CCDC91: variants seen among roughly 807,000 people sequenced by gnomAD.
CCDC91 encodes the protein coiled-coil domain-containing protein 91.
CCDC91 carries 48 observed loss-of-function variants against 63.2 expected under a neutral mutation model. The ratio of observed to expected loss-of-function variants is 0.76; its 90% CI spans 0.60 to 0.97. The LOEUF is 0.97. CCDC91 is among the 50% of genes least tolerant of loss of function. The pLI is 0.00. For missense variants in CCDC91, 500 were observed against 494.6 expected (o/e 1.01, Z -0.10); for synonymous variants, 167 against 165.8 (o/e 1.01, Z -0.06).
rs77716260 is a variant in CCDC91, at chr12:28,375,713, G to T, written c.654+13198G>T. Among the ~76,000 whole-genome samples, 1,400 of 151,912 alleles carry T rather than the reference G, an allele frequency of 9.2e-3. 25 individuals carry two copies. Among genetic ancestry groups the T allele is most frequent in the African/African-American group, 0.032 (1,330 of 41,488 alleles). ...AGACTACATAGGCACATGCCACATC[G>T]AAGATTGTTTACTGCAAGCAACATA... On this transcript the variant is annotated intron_variant, in intron 7 of 12. Coordinates refer to ENST00000536442, the MANE Select transcript of CCDC91 (RefSeq NM_018318.5).
chr12:28,236,885 TATA>T (rs1360883651), intron 1 of CCDC91: 5 of 152,128 alleles, frequency 3.3e-5, no homozygotes, highest in Admixed American at 1.3e-4. Flanking sequence ...TATGTAACAA[TATA>T]ATGGTACATT....
At chr12:28,418,140 AT>A (rs1947791967) in intron 8 of CCDC91, among the ~76,000 whole-genome samples, 2 of 152,110 alleles carry the variant, frequency 1.3e-5, no homozygotes, top group African/African-American at 4.8e-5. Context: ...GTGTCAGACT[AT>A]TTTCCAATGT....
intron 11 of CCDC91, among the ~76,000 whole-genome samples, chr12:28,464,249 A>G (rs1338086505): frequency 6.6e-6 from 1 of 152,166 alleles, no homozygotes; most frequent in East Asian, 1.9e-4. Context: ...CCCAAAATGA[A>G]TGCAGAAGTC....
rs1197102438 is a variant in CCDC91, at chr12:28,477,933, A to G, written c.1102-6119A>G. Among the ~76,000 whole-genome samples, 3 of 152,184 alleles carry G rather than the reference A, an allele frequency of 2.0e-5. No individual in the cohort carries two copies. In the East Asian group the frequency reaches 5.8e-4, roughly 29 times the overall value. On this transcript the variant is annotated intron_variant, in intron 11 of 12. Transcript: ENST00000536442. Reference sequence around the variant, plus strand: ...GATGTGAAGGACCTCTTCAAGGAGAACTACAAACCACTGCTCAACGAAATA... The same window carrying G: ...GATGTGAAGGACCTCTTCAAGGAGAGCTACAAACCACTGCTCAACGAAATA...
chr12:28,456,135 G>A (rs1006069545), intron 11 of CCDC91, among the ~76,000 whole-genome samples: 2 of 152,078 alleles, frequency 1.3e-5, no homozygotes, highest in African/African-American at 4.8e-5. Context: ...TTAAGAAGGT[G>A]TTATTTTTAT....
intron 8 of CCDC91, among the ~76,000 whole-genome samples, chr12:28,446,106 G>A (rs1949486239): frequency 6.6e-6 from 1 of 152,190 alleles, no homozygotes; most frequent in Non-Finnish European, 1.5e-5. Context: ...TTACTGAGCA[G>A]TGAGGTCTCC....
Position 28,310,816 on chromosome 12 carries a change from C to T in CCDC91, c.576+3067C>T, listed in dbSNP as rs566581560. 9.9e-5 allele frequency among the ~76,000 whole-genome samples: 15 copies of T among 152,030 alleles called. No homozygotes were observed. The South Asian group carries it at 1.7e-3, about 17-fold the overall frequency. On this transcript the variant is annotated intron_variant, in intron 6 of 12. Transcript: ENST00000536442. ...ATCTTCCATTCTGTGCTTAAACTTTCTATTCTGTTTGTTTCAAGCATGTTT... is the reference window on the plus strand; with the variant it reads ...ATCTTCCATTCTGTGCTTAAACTTTTTATTCTGTTTGTTTCAAGCATGTTT...
chr12:28,257,163 T>G, intron 1 of CCDC91, 39 bp from the exon 2 acceptor site: 1 of 1,210,934 alleles, frequency 8.3e-7, no homozygotes, highest in Non-Finnish European at 1.2e-6. Flanking sequence ...TAAATGACTG[T>G]GTGTGTGCGG....
intron 7 of CCDC91, among the ~76,000 whole-genome samples, chr12:28,390,427 A>T (rs1945861139): frequency 1.3e-5 from 2 of 152,148 alleles, no homozygotes; most frequent in African/African-American, 4.8e-5. Context: ...GAGTTCTTAT[A>T]GAATGATTTA....
intron 7 of CCDC91, among the ~76,000 whole-genome samples, chr12:28,389,032 A>T (rs1747228167): frequency 1.3e-5 from 2 of 152,196 alleles, no homozygotes; most frequent in South Asian, 4.1e-4. Flanking sequence ...GAGCTTTTGC[A>T]TGGCAAAAGG....
chr12:28,391,967 T>A (rs769034055), intron 8 of CCDC91, among the ~76,000 whole-genome samples: 1 of 152,172 alleles, frequency 6.6e-6, no homozygotes, highest in Non-Finnish European at 1.5e-5. Flanking sequence ...CTCAAAGATA[T>A]AAAATTTGGA....
At chr12:28,266,327 C>T (rs1276760493) in intron 3 of CCDC91, among the ~76,000 whole-genome samples, 1 of 151,968 alleles carries the variant, frequency 6.6e-6, no homozygotes, top group Non-Finnish European at 1.5e-5. Flanking sequence ...TATGTAACTT[C>T]TGTGAATCTC....
chr12:28,284,511 G>T lies in CCDC91; in HGVS notation c.110-21138G>T, dbSNP rs1444232577. On this transcript the variant is annotated intron_variant, in intron 3 of 12. Coordinates refer to ENST00000536442, the MANE Select transcript of CCDC91 (RefSeq NM_018318.5). Reference sequence around the variant, plus strand: ...CTACTAAAAATATAAAATTAGCCAGGTGTGGTGGCACATGCCTGTAATCCC... The same window carrying T: ...CTACTAAAAATATAAAATTAGCCAGTTGTGGTGGCACATGCCTGTAATCCC... 2.6e-5 allele frequency among the ~76,000 whole-genome samples: 4 copies of T among 152,164 alleles called. No individual in the cohort carries two copies. In the East Asian group the frequency reaches 5.8e-4, roughly 22 times the overall value.
intron 3 of CCDC91, among the ~76,000 whole-genome samples, chr12:28,299,672 A>G (rs989719370): frequency 4.0e-5 from 6 of 151,640 alleles, no homozygotes; most frequent in South Asian, 2.1e-4. Flanking sequence ...CCGATCTTCC[A>G]CTATCAGTCC....
intron 6 of CCDC91, among the ~76,000 whole-genome samples, chr12:28,357,230 T>C (rs753669884): frequency 2.6e-5 from 4 of 152,170 alleles, no homozygotes; most frequent in Non-Finnish European, 5.9e-5. Flanking sequence ...TGTGTCTCTA[T>C]TAAAAAATTT....
intron 1 of CCDC91, among the ~76,000 whole-genome samples, chr12:28,215,230 CTTG>C (rs1362909600): frequency 6.6e-6 from 1 of 152,122 alleles, no homozygotes; most frequent in Non-Finnish European, 1.5e-5. Flanking sequence ...ATCAGCTTTC[CTTG>C]TTGTCAGGCT....
chr12:28,287,473 C>T (rs1437319769), intron 3 of CCDC91, among the ~76,000 whole-genome samples: 1 of 152,092 alleles, frequency 6.6e-6, no homozygotes, highest in African/African-American at 2.4e-5. Flanking sequence ...GGAGTCCTTT[C>T]CCCATTGCTT....
chr12:28,412,544 A>C (rs1352486674), intron 8 of CCDC91, among the ~76,000 whole-genome samples: 1 of 152,128 alleles, frequency 6.6e-6, no homozygotes, highest in Non-Finnish European at 1.5e-5. Context: ...GACTTCAAGA[A>C]TGGAGCTGCG....
chr12:28,448,731 A>G (rs976760366), intron 8 of CCDC91, among the ~76,000 whole-genome samples: 1 of 151,960 alleles, frequency 6.6e-6, no homozygotes, highest in Non-Finnish European at 1.5e-5. Flanking sequence ...AATTCTAAAC[A>G]TTTTTGTTTT....
Sources: allele counts gnomAD v4.1 joint callset (sites outside exome capture counted in the v4.1 genomes callset), GRCh38; gene constraint gnomAD v4.1.1; transcripts MANE v1.5; gene names NCBI Gene and HGNC (gene_info 2026-07-23, HGNC 2026-07-21).